KALRN: variants seen among roughly 807,000 people sequenced by gnomAD.
KALRN encodes kalirin RhoGEF kinase.
KALRN carries 70 observed loss-of-function variants against 353.7 expected under a neutral mutation model. The observed-to-expected ratio is 0.20, with a 90% CI of 0.16 to 0.24. KALRN has a LOEUF of 0.24. KALRN is among the 10% of genes least tolerant of loss of function. The pLI is 1.00. For missense variants in KALRN, 2,791 were observed against 3,756.7 expected, an observed-to-expected ratio of 0.74 and a Z score of 6.72; for synonymous variants, 1,391 against 1,434.8, an observed-to-expected ratio of 0.97 and a Z score of 0.69.
At chr3:124,708,537 T>C (rs1485291049) in intron 57 of KALRN, among the ~76,000 whole-genome samples, 1 of 152,086 alleles carries the variant, frequency 6.6e-6, no homozygotes. Context: ...ATGGAGGAGT[T>C]GGTGAAATTG....
intron 1 of KALRN, among the ~76,000 whole-genome samples, chr3:124,195,383 T>C (rs918760058): frequency 2.6e-5 from 4 of 152,196 alleles, no homozygotes; most frequent in African/African-American, 9.7e-5. Context: ...GGATGGAGCA[T>C]GTACAAGTAC....
At chr3:124,399,738 C>T (rs2090623224) in intron 13 of KALRN, among the ~76,000 whole-genome samples, 2 of 152,182 alleles carry the variant, frequency 1.3e-5, no homozygotes, top group Admixed American at 6.5e-5. Flanking sequence ...ATCTCATAAA[C>T]TCCTCAGTTT....
At chr3:124,605,331 G>GAGTGC (rs2077223429) in intron 34 of KALRN, among the ~76,000 whole-genome samples, 1 of 151,756 alleles carries the variant, frequency 6.6e-6, no homozygotes, top group Admixed American at 6.6e-5. Context: ...AGCACTTTGG[G>GAGTGC]AGGCTAAGAG....
At chr3:124,459,952 C>A (rs1176624671) in intron 23 of KALRN, among the ~76,000 whole-genome samples, 5 of 152,102 alleles carry the variant, frequency 3.3e-5, no homozygotes, top group African/African-American at 1.2e-4. Context: ...TGTATTGTCT[C>A]CCAGCTCTCG....
chr3:124,147,946 A>G (rs1012608206), intron 1 of KALRN, among the ~76,000 whole-genome samples: 2 of 152,230 alleles, frequency 1.3e-5, no homozygotes, highest in African/African-American at 4.8e-5. Flanking sequence ...AAACCTGTGT[A>G]CACACATAAT....
chr3:124,604,912 T>C (rs1303729239), intron 34 of KALRN, among the ~76,000 whole-genome samples: 2 of 151,948 alleles, frequency 1.3e-5, no homozygotes, highest in Non-Finnish European at 2.9e-5. Flanking sequence ...TTCCAGCACT[T>C]TGGGAGGCCA....
chr3:124,316,930 T>C (rs1473690253), intron 6 of KALRN, among the ~76,000 whole-genome samples: 1 of 152,190 alleles, frequency 6.6e-6, no homozygotes, highest in Non-Finnish European at 1.5e-5. Context: ...AGAGTTGCCT[T>C]AATCTTGAAC....
Position 124,103,951 on chromosome 3 carries a change from A to G in KALRN, c.73+70138A>G, listed in dbSNP as rs2062076873. Among the ~76,000 whole-genome samples the G allele has an allele frequency of 3.9e-5, 6 of 152,176 alleles. No homozygotes were observed. The South Asian group carries it at 1.2e-3, about 32-fold the overall frequency. ...AGCCTGGGTGGCAGAGCGAGACTCC[A>G]TCTCCAAGAAAAGAGAGAGAGAAAA... On this transcript the variant is annotated intron_variant, in intron 1 of 59. Transcript: ENST00000682506.
intron 3 of KALRN, among the ~76,000 whole-genome samples, chr3:124,263,681 T>C (rs2073171314): frequency 5.3e-5 from 8 of 152,242 alleles, no homozygotes; most frequent in Admixed American, 5.2e-4. Flanking sequence ...TCATACTTTG[T>C]GTACCATCTC....
intron 9 of KALRN, among the ~76,000 whole-genome samples, chr3:124,339,144 C>T (rs2081422624): frequency 6.6e-6 from 1 of 152,138 alleles, no homozygotes. Context: ...AAGTATAGTG[C>T]CTCCAGAAAC....
At position 124,678,303 on chromosome 3, in the gene KALRN, T is replaced by C. The variant is rs747623775; in HGVS notation, c.7307T>C (p.Val2436Ala). ...CCCAAGGATATTCTGGGCAACAAAG[T>C]CTCTGTTAAAGTGAGTAAGGTATTC... Reference protein sequence around the residue: ...RKPKDILGNKVSVKETNSSEE... With the variant: ...RKPKDILGNKASVKETNSSEE... Residue 2436 changes from valine to alanine, a missense_variant, in exon 50 of 60, where the codon GTC (valine) becomes GCC (alanine). By Grantham distance (64) the Val-to-Ala change is moderately conservative. Around this residue, in one of 11 missense-constraint regions of KALRN, gnomAD observed 1,065 missense variants for 1,156.4 expected, o/e 0.92. Coordinates refer to ENST00000682506, the MANE Select transcript of KALRN (RefSeq NM_001388419.1). The C allele has an allele frequency of 6.2e-7, 1 of 1,613,714 alleles. No homozygotes were observed. The highest frequency in any genetic ancestry group is 1.7e-5 in the Admixed American group (1 of 59,984).
chr3:124,637,086 T>C, intron 36 of KALRN, 122 bp from the exon 37 acceptor site: 2 of 784,962 alleles, frequency 2.5e-6, no homozygotes, highest in Non-Finnish European at 4.4e-6. Context: ...ACCTCTTCCG[T>C]CTAAACACAG....
chr3:124,648,513 G>T (rs74935166), intron 37 of KALRN, among the ~76,000 whole-genome samples: 1,731 of 152,340 alleles, frequency 0.011, 32 homozygotes, highest in African/African-American at 0.04. Context: ...GGAGCACAGA[G>T]GATACCACTG....
chr3:124,650,951 C>T lies in KALRN; in HGVS notation c.5795+13C>T, dbSNP rs768243930. 1.9e-6 allele frequency: 3 copies of T among 1,613,624 alleles called. No homozygotes were observed. Among genetic ancestry groups the T allele is most frequent in the Middle Eastern group, 1.7e-4 (1 of 5,836 alleles). On this transcript the variant is annotated intron_variant, in intron 38 of 59. Coordinates refer to ENST00000682506, the MANE Select transcript of KALRN (RefSeq NM_001388419.1). The stretch of plus-strand genomic sequence containing the variant: ...TGAGAGGCAGGATGTAAGTGGCTTC[C>T]CCAGTTCCTCCCTGTGGTGCACATG...
chr3:124,628,560 C>CT (rs1357354065), intron 34 of KALRN, among the ~76,000 whole-genome samples: 3 of 50,518 alleles, frequency 5.9e-5, no homozygotes, highest in African/African-American at 1.6e-4. Flanking sequence ...TCTTTCTTTT[C>CT]TTTTCTTTTC....
intron 10 of KALRN, among the ~76,000 whole-genome samples, chr3:124,359,483 T>A (rs2083780639): frequency 6.6e-6 from 1 of 152,220 alleles, no homozygotes; most frequent in Non-Finnish European, 1.5e-5. Context: ...TATCTCCATA[T>A]GAGATGTCCC....
chr3:124,623,419 C>A (rs1330356415), intron 34 of KALRN, among the ~76,000 whole-genome samples: 1 of 148,778 alleles, frequency 6.7e-6, no homozygotes, highest in Non-Finnish European at 1.5e-5. Context: ...CACACACACA[C>A]ACACACACAA....
At chr3:124,451,714 G>C (rs907413843) in intron 21 of KALRN, among the ~76,000 whole-genome samples, 7 of 152,128 alleles carry the variant, frequency 4.6e-5, no homozygotes, top group African/African-American at 1.7e-4. Flanking sequence ...TCAGCCCCAT[G>C]GGAAGAACAA....
chr3:124,330,409 A>G (rs2080427390), intron 8 of KALRN, among the ~76,000 whole-genome samples: 3 of 152,086 alleles, frequency 2.0e-5, no homozygotes, highest in Non-Finnish European at 4.4e-5. Flanking sequence ...GGAGATGTAC[A>G]CACTAGCCCT....
Sources: gnomAD v4.1 joint callset for allele counts (sites outside exome capture counted in the v4.1 genomes callset) on GRCh38, gnomAD v4.1.1 for gene constraint, gnomAD v4.1.1 regional missense constraint, MANE v1.5 for transcripts, NCBI Gene and HGNC (gene_info 2026-07-23, HGNC 2026-07-21) for gene names.